Variants in EPHA3 observed in about 807,000 individuals in gnomAD.
The protein encoded by EPHA3 is ephrin type-A receptor 3.
In EPHA3, 42 loss-of-function variants were observed where a neutral mutation model predicts 107.1. The ratio of observed to expected loss-of-function variants is 0.39; its 90% CI spans 0.31 to 0.51. The LOEUF is 0.51. Ranked by LOEUF, EPHA3 falls within the 20% of genes least tolerant of loss-of-function variation. The pLI is 0.78. For synonymous variants in EPHA3, 461 were observed against 424.8 expected (o/e 1.09, Z -1.05); for missense variants, 1,183 against 1,211.2 (o/e 0.98, Z 0.35).
At chr3:89,405,734 A>T (rs1468529378) in intron 7 of EPHA3, among the ~76,000 whole-genome samples, 1 of 152,130 alleles carries the variant, frequency 6.6e-6, no homozygotes, top group Non-Finnish European at 1.5e-5. Flanking sequence ...TCTTCTTTTG[A>T]GTCCTGAGGT....
At chr3:89,328,813 A>G (rs1707228227) in intron 3 of EPHA3, among the ~76,000 whole-genome samples, 1 of 152,158 alleles carries the variant, frequency 6.6e-6, no homozygotes, top group Admixed American at 6.5e-5. Context: ...CACAGGTGCA[A>G]TGCTAGGCAT....
At chr3:89,202,345 T>A (rs974117043) in intron 2 of EPHA3, among the ~76,000 whole-genome samples, 5 of 150,664 alleles carry the variant, frequency 3.3e-5, no homozygotes, top group Admixed American at 1.3e-4. Context: ...AAATAAAAAA[T>A]AAATAAATAA....
At chr3:89,118,689 C>A (rs1707310779) in intron 1 of EPHA3, among the ~76,000 whole-genome samples, 1 of 151,586 alleles carries the variant, frequency 6.6e-6, no homozygotes, top group Non-Finnish European at 1.5e-5. Context: ...AATGACTCAT[C>A]TTTCATATTA....
chr3:89,370,162 T>C lies in EPHA3; in HGVS notation c.1307-25675T>C, dbSNP rs1158806919. Among the ~76,000 whole-genome samples the C allele has an allele frequency of 2.7e-5, 4 of 150,924 alleles. No homozygotes were observed. In the East Asian group the frequency reaches 5.8e-4, roughly 22 times the overall value. Reference sequence around the variant, plus strand: ...CCCAGCCATTCCATTACTGGGTATATACCCAAAGGACTATAAGTCATGCTG... The same window carrying C: ...CCCAGCCATTCCATTACTGGGTATACACCCAAAGGACTATAAGTCATGCTG... On this transcript the variant is annotated intron_variant, in intron 5 of 16. Transcript: ENST00000336596.
At chr3:89,232,961 T>C (rs1704672281) in intron 3 of EPHA3, among the ~76,000 whole-genome samples, 1 of 152,184 alleles carries the variant, frequency 6.6e-6, no homozygotes, top group Non-Finnish European at 1.5e-5. Context: ...CAGTTTCCTT[T>C]TCATGGTGTC....
At chr3:89,467,742 A>G (rs1056466755) in intron 15 of EPHA3, among the ~76,000 whole-genome samples, 2 of 152,216 alleles carry the variant, frequency 1.3e-5, no homozygotes, top group African/African-American at 4.8e-5. Context: ...AAATCTTAAT[A>G]GAAAGAGAGA....
At chr3:89,195,461 A>G (rs781235444) in intron 2 of EPHA3, among the ~76,000 whole-genome samples, 1 of 152,184 alleles carries the variant, frequency 6.6e-6, no homozygotes, top group African/African-American at 2.4e-5. Flanking sequence ...AGGGTTTTCA[A>G]GGATAAAATG....
chr3:89,374,389 A>C (rs1338428068), intron 5 of EPHA3, among the ~76,000 whole-genome samples: 2 of 151,868 alleles, frequency 1.3e-5, no homozygotes, highest in Non-Finnish European at 2.9e-5. Context: ...ATACAGTGCA[A>C]ATGTGTGCAC....
At chr3:89,379,488 T>G (rs184885038) in intron 5 of EPHA3, among the ~76,000 whole-genome samples, 28 of 152,314 alleles carry the variant, frequency 1.8e-4, no homozygotes, top group Non-Finnish European at 7.4e-5. Context: ...GTTAACATTT[T>G]AATTGAAATT....
At chr3:89,217,760 T>C (rs984575774) in intron 3 of EPHA3, among the ~76,000 whole-genome samples, 2 of 152,192 alleles carry the variant, frequency 1.3e-5, no homozygotes, top group African/African-American at 4.8e-5. Flanking sequence ...AATGCTGCAA[T>C]TGAAAACAGC....
chr3:89,272,209 G>C (rs1049329339), intron 3 of EPHA3, among the ~76,000 whole-genome samples: 1 of 151,692 alleles, frequency 6.6e-6, no homozygotes, highest in Admixed American at 6.6e-5. Flanking sequence ...TGGGGAATCA[G>C]TGACCCTAAT....
chr3:89,225,411 A>C (rs1408272392), intron 3 of EPHA3, among the ~76,000 whole-genome samples: 1 of 152,186 alleles, frequency 6.6e-6, no homozygotes, highest in African/African-American at 2.4e-5. Context: ...TTACATTTTC[A>C]ACCAACTGTA....
At chr3:89,205,306 A>G (rs1159367355) in intron 2 of EPHA3, among the ~76,000 whole-genome samples, 2 of 152,226 alleles carry the variant, frequency 1.3e-5, no homozygotes, top group Non-Finnish European at 2.9e-5. Context: ...TACTAGCATA[A>G]TAGTTATTAG....
intron 2 of EPHA3, among the ~76,000 whole-genome samples, chr3:89,161,126 A>G (rs1053160712): frequency 6.6e-6 from 1 of 152,150 alleles, no homozygotes; most frequent in Non-Finnish European, 1.5e-5. Flanking sequence ...TAGAGTGAAA[A>G]AGACAAACAT....
intron 3 of EPHA3, among the ~76,000 whole-genome samples, chr3:89,254,546 C>A (rs942504600): frequency 1.3e-5 from 2 of 152,106 alleles, no homozygotes; most frequent in Non-Finnish European, 2.9e-5. Context: ...AAAATCCAAC[C>A]ACTTCCCACT....
intron 2 of EPHA3, among the ~76,000 whole-genome samples, chr3:89,153,388 T>C (rs1395852448): frequency 6.6e-6 from 1 of 152,098 alleles, no homozygotes; most frequent in African/African-American, 2.4e-5. Context: ...AACTTCCTTA[T>C]TAATATCTCC....
At chr3:89,208,727 TGGAAA>T (rs1706190375) in intron 2 of EPHA3, among the ~76,000 whole-genome samples, 5 of 152,116 alleles carry the variant, frequency 3.3e-5, no homozygotes, top group African/African-American at 1.2e-4. Context: ...ATATAATATG[TGGAAA>T]TATTACTTAT....
intron 5 of EPHA3, among the ~76,000 whole-genome samples, chr3:89,377,829 A>G (rs1456902680): frequency 6.6e-6 from 1 of 152,164 alleles, no homozygotes; most frequent in Admixed American, 6.6e-5. Flanking sequence ...TAATAGTTTC[A>G]TACAGATCTT....
At chr3:89,421,636 C>T (rs1278895695) in intron 11 of EPHA3, among the ~76,000 whole-genome samples, 3 of 151,208 alleles carry the variant, frequency 2.0e-5, no homozygotes, top group Non-Finnish European at 4.4e-5. Flanking sequence ...ATTATTTTGT[C>T]AGTCATGAGT....
Sources: gnomAD v4.1 joint callset for allele counts (sites outside exome capture counted in the v4.1 genomes callset) on GRCh38, gnomAD v4.1.1 for gene constraint, MANE v1.5 for transcripts, NCBI Gene and HGNC (gene_info 2026-07-23, HGNC 2026-07-21) for gene names.